The following SLC38A4 variants were observed in gnomAD, a reference collection of about 807,000 sequenced individuals.
The protein encoded by SLC38A4 is sodium-coupled neutral amino acid transporter 4.
In SLC38A4, 20 loss-of-function variants were observed where a neutral mutation model predicts 63.1. The observed-to-expected ratio is 0.32, with a 90% CI of 0.22 to 0.46. The LOEUF (loss-of-function observed/expected upper bound fraction) is 0.46. SLC38A4 is among the 20% of genes least tolerant of loss of function. The pLI, the probability that SLC38A4 is intolerant of heterozygous loss-of-function variation, is 1.00. For synonymous variants in SLC38A4, 230 were observed against 225.5 expected (o/e 1.02, Z -0.18); for missense variants, 526 against 663.6 (o/e 0.79, Z 2.28).
At chr12:46,804,816 T>C (rs1470751015) in intron 1 of SLC38A4, among the ~76,000 whole-genome samples, 3 of 152,186 alleles carry the variant, frequency 2.0e-5, no homozygotes, top group South Asian at 2.1e-4. Flanking sequence ...ACGAGAAGTA[T>C]TGTGGTCTAG....
intron 4 of SLC38A4, 57 bp from the exon 5 acceptor site, chr12:46,788,088 G>A (rs989224414): frequency 3.1e-6 from 4 of 1,297,182 alleles, no homozygotes; most frequent in Non-Finnish European, 4.4e-6. Context: ...ATACCTTTAG[G>A]GGTTATCCTT....
At chr12:46,821,386 A>G (rs1471235279) in intron 1 of SLC38A4, among the ~76,000 whole-genome samples, 1 of 152,206 alleles carries the variant, frequency 6.6e-6, no homozygotes, top group South Asian at 2.1e-4. Context: ...GTGGATATAC[A>G]GTTTTCCCAA....
chr12:46,810,705 T>A (rs1939323394), intron 1 of SLC38A4, among the ~76,000 whole-genome samples: 1 of 151,880 alleles, frequency 6.6e-6, no homozygotes, highest in Admixed American at 6.6e-5. Context: ...GGCTAACCTT[T>A]AAAAAATACA....
chr12:46,771,894 AC>A (rs1263712806), intron 14 of SLC38A4, among the ~76,000 whole-genome samples: 1 of 151,998 alleles, frequency 6.6e-6, no homozygotes, highest in African/African-American at 2.4e-5. Context: ...GTCGCTAGGA[AC>A]CTGGAAATGT....
At chr12:46,783,219 T>TTGA (rs1938683036) in intron 7 of SLC38A4, among the ~76,000 whole-genome samples, 1 of 146,192 alleles carries the variant, frequency 6.8e-6, no homozygotes, top group East Asian at 2.0e-4. Context: ...GATGGATAAA[T>TTGA]TGATAGATGA....
chr12:46,809,385 T>C lies in SLC38A4; in HGVS notation c.-304-5591A>G, dbSNP rs367769958. ...AGAGAAATAATAGTGTCATCGACAT[T>C]TCCTCATTCACTTTTTAATGAACTC... On this transcript the variant is annotated intron_variant, in intron 1 of 16. Transcript: ENST00000266579. Among the ~76,000 whole-genome samples, 239 of 152,158 alleles carry C rather than the reference T, an allele frequency of 1.6e-3. 3 individuals are homozygous for C. The South Asian group carries it at 0.044, about 28-fold the overall frequency.
Position 46,766,688 on chromosome 12 carries a change from AT to A in SLC38A4, c.*12del, listed in dbSNP as rs1176147161. 6.5e-7 allele frequency: 1 copy of A among 1,534,864 alleles called. No homozygotes were observed. Among genetic ancestry groups the A allele is most frequent in the Non-Finnish European group, 9.0e-7 (1 of 1,110,720 alleles). On this transcript the variant is annotated 3_prime_UTR_variant, in exon 17 of 17. Coordinates refer to ENST00000266579, the MANE Select transcript of SLC38A4 (RefSeq NM_018018.5). ...ACCATTTCCAATAGAAAAAGAAAGT[AT>A]TTTTCCTTGTGTTAGTGATGCTTGG... is the stretch of plus-strand genomic sequence containing the variant.
chr12:46,768,472 A>G, intron 15 of SLC38A4, 65 bp from the exon 16 acceptor site: 1 of 1,151,482 alleles, frequency 8.7e-7, no homozygotes, highest in Non-Finnish European at 1.3e-6. Flanking sequence ...AGGAGATGCC[A>G]GCACACACTT....
In SLC38A4 at chr12:46,779,767, A is replaced by C. The variant is rs1162651698; in HGVS notation, c.658+13T>G. 1 of 1,596,462 alleles carries C rather than the reference A, an allele frequency of 6.3e-7. No homozygotes were observed. Among genetic ancestry groups the C allele is most frequent in the East Asian group, 2.2e-5 (1 of 44,552 alleles). ...TAAAAATAAAAATATTTCCAGTTAG[A>C]AAATATCTTTACCTAAATTTTTAAG... On this transcript the variant is annotated intron_variant, in intron 9 of 16. Coordinates refer to ENST00000266579, the MANE Select transcript of SLC38A4 (RefSeq NM_018018.5).
upstream of SLC38A4, among the ~76,000 whole-genome samples, chr12:46,830,298 T>TCTCACACACA (rs1180274940): frequency 1.2e-3 from 184 of 148,406 alleles, no homozygotes; most frequent in African/African-American, 4.0e-3. Flanking sequence ...TCTCTCTCTC[T>TCTCACACACA]CACACACACA....
At chr12:46,803,088 G>A (rs1055761080) in intron 2 of SLC38A4, among the ~76,000 whole-genome samples, 3 of 151,970 alleles carry the variant, frequency 2.0e-5, no homozygotes, top group Non-Finnish European at 4.4e-5. Flanking sequence ...ATTTGATAAT[G>A]GTACAGCCCA....
chr12:46,801,154 G>A (rs1347664027), intron 2 of SLC38A4, among the ~76,000 whole-genome samples: 1 of 152,030 alleles, frequency 6.6e-6, no homozygotes, highest in Non-Finnish European at 1.5e-5. Context: ...TTGAAACCAA[G>A]TATTTAGAAT....
chr12:46,783,012 G>A (rs970548196), intron 7 of SLC38A4, among the ~76,000 whole-genome samples: 1 of 105,162 alleles, frequency 9.5e-6, no homozygotes, highest in Non-Finnish European at 1.9e-5. Context: ...AGCAGAGTGA[G>A]AGAGAAAATG....
At chr12:46,773,809 A>T (rs1938468870) in intron 14 of SLC38A4, among the ~76,000 whole-genome samples, 1 of 152,108 alleles carries the variant, frequency 6.6e-6, no homozygotes, top group South Asian at 2.1e-4. Flanking sequence ...TATGAATATG[A>T]ATAAAGCAAT....
At chr12:46,830,761 C>T (rs1939721042), upstream of SLC38A4, among the ~76,000 whole-genome samples, 1 of 152,192 alleles carries the variant, frequency 6.6e-6, no homozygotes, top group Non-Finnish European at 1.5e-5. Flanking sequence ...GCTTATTGCT[C>T]TAGAGCCACT....
chr12:46,774,299 C>A (rs1207563467), intron 14 of SLC38A4, among the ~76,000 whole-genome samples: 1 of 151,872 alleles, frequency 6.6e-6, no homozygotes, highest in African/African-American at 2.4e-5. Context: ...TATTTTTTTC[C>A]CCCTCAAATG....
intron 2 of SLC38A4, among the ~76,000 whole-genome samples, chr12:46,797,485 A>G (rs1480012123): frequency 2.0e-5 from 3 of 152,158 alleles, no homozygotes; most frequent in South Asian, 4.1e-4. Flanking sequence ...TACTTATACC[A>G]GCAACATCCT....
intron 15 of SLC38A4, 115 bp from the exon 16 acceptor site, chr12:46,768,522 A>C (rs1360787429): frequency 1.8e-5 from 10 of 563,686 alleles, no homozygotes; most frequent in Non-Finnish European, 3.0e-5. Flanking sequence ...ACTTAGCACT[A>C]AAAACACACA....
chr12:46,782,804 A>C (rs926397054), intron 7 of SLC38A4, among the ~76,000 whole-genome samples: 4 of 150,596 alleles, frequency 2.7e-5, no homozygotes, highest in African/African-American at 9.8e-5. Flanking sequence ...TAGACAAAGG[A>C]GTACAGTGAT....
Sources: gnomAD v4.1 joint callset for allele counts (sites outside exome capture counted in the v4.1 genomes callset) on GRCh38, gnomAD v4.1.1 for gene constraint, MANE v1.5 for transcripts, NCBI Gene and HGNC (gene_info 2026-07-23, HGNC 2026-07-21) for gene names.